NCAM2: variants seen among roughly 807,000 people sequenced by gnomAD.
NCAM2 encodes the protein neural cell adhesion molecule 2, also known as N-CAM-2.
NCAM2 carries 30 observed loss-of-function variants against 98.1 expected under a neutral mutation model. The ratio of observed to expected loss-of-function variants is 0.31; its 90% CI spans 0.23 to 0.41. The LOEUF (loss-of-function observed/expected upper bound fraction) is 0.41. Among genes scored for constraint, NCAM2 ranks in the 10% least tolerant of loss-of-function variants. The probability of loss-of-function intolerance (pLI) is 1.00; values close to 1 mark genes in which losing one functional copy is unlikely to be tolerated. For synonymous variants in NCAM2, 368 were observed against 342.4 expected (o/e 1.07, Z -0.83); for missense variants, 867 against 1,005.8 (o/e 0.86, Z 1.87).
chr21:21,175,684 A>G (rs2068263386), intron 1 of NCAM2, among the ~76,000 whole-genome samples: 1 of 152,228 alleles, frequency 6.6e-6, no homozygotes, highest in African/African-American at 2.4e-5. Context: ...GAAAATGAGA[A>G]TGAATCAGGC....
At chr21:21,364,654 A>G (rs1195977963) in intron 8 of NCAM2, among the ~76,000 whole-genome samples, 1 of 152,012 alleles carries the variant, frequency 6.6e-6, no homozygotes, top group African/African-American at 2.4e-5. Context: ...AAATATGTAC[A>G]TATACATATA....
chr21:21,232,037 C>T (rs2070648142), intron 1 of NCAM2, among the ~76,000 whole-genome samples: 1 of 151,422 alleles, frequency 6.6e-6, no homozygotes, highest in Non-Finnish European at 1.5e-5. Context: ...ACCACCCCTT[C>T]ACATTCCACC....
At chr21:21,155,957 C>G (rs879445571) in intron 1 of NCAM2, among the ~76,000 whole-genome samples, 1 of 151,890 alleles carries the variant, frequency 6.6e-6, no homozygotes, top group Non-Finnish European at 1.5e-5. Flanking sequence ...CATGTGGAAC[C>G]ACTATCATAC....
chr21:21,033,958 C>A (rs1226077461), intron 1 of NCAM2, among the ~76,000 whole-genome samples: 1 of 150,078 alleles, frequency 6.7e-6, no homozygotes, highest in Non-Finnish European at 1.5e-5. Context: ...GTCCCCCATT[C>A]GAAACTTTAT....
chr21:21,433,118 A>C (rs2077380609), intron 12 of NCAM2, among the ~76,000 whole-genome samples: 3 of 152,320 alleles, frequency 2.0e-5, no homozygotes, highest in South Asian at 2.1e-4. Flanking sequence ...TCCTGGTCTC[A>C]TCTGTGTTGA....
At chr21:21,188,075 G>C (rs925564525) in intron 1 of NCAM2, among the ~76,000 whole-genome samples, 1 of 152,116 alleles carries the variant, frequency 6.6e-6, no homozygotes, top group African/African-American at 2.4e-5. Flanking sequence ...ATTTTACCCA[G>C]CCTGGTTACA....
intron 1 of NCAM2, among the ~76,000 whole-genome samples, chr21:21,030,369 T>C (rs2064653404): frequency 6.6e-6 from 1 of 152,226 alleles, no homozygotes; most frequent in East Asian, 1.9e-4. Flanking sequence ...CAAATTACCA[T>C]GAACTTAGAG....
At chr21:21,284,128 A>G (rs1293465437) in intron 2 of NCAM2, 66 bp from the exon 3 acceptor site, 2 of 1,236,438 alleles carry the variant, frequency 1.6e-6, no homozygotes, top group African/African-American at 3.0e-5. Flanking sequence ...CATAATAGTA[A>G]ATGCCAATGT....
chr21:21,278,164 CCT>C (rs2072798873), intron 1 of NCAM2, among the ~76,000 whole-genome samples: 1 of 151,482 alleles, frequency 6.6e-6, no homozygotes, highest in African/African-American at 2.4e-5. Flanking sequence ...ATTTCCCCTC[CCT>C]TTTTTTTTCA....
At chr21:21,350,963 A>G (rs914920999) in intron 8 of NCAM2, among the ~76,000 whole-genome samples, 2 of 150,284 alleles carry the variant, frequency 1.3e-5, no homozygotes, top group Non-Finnish European at 3.0e-5. Context: ...AGAAAAGAAA[A>G]AAAATTAGCC....
rs1010926581 is a variant in NCAM2 at position 21,131,841 on chromosome 21, A to G, written c.55+133223A>G. ...GAACTTCTGTTATGGCCAAGATACT[A>G]GAAAAGATTCTGTATACAGAAAAGT... is the stretch of plus-strand genomic sequence containing the variant. On this transcript the variant is annotated intron_variant, in intron 1 of 17. Coordinates refer to ENST00000400546, the MANE Select transcript of NCAM2 (RefSeq NM_004540.5). Among the ~76,000 whole-genome samples the G allele has an allele frequency of 5.3e-5, 8 of 152,334 alleles. No individual in the cohort carries two copies. In the Middle Eastern group the frequency reaches 0.01, roughly 194 times the overall value.
chr21:21,200,850 G>A (rs923897331), intron 1 of NCAM2, among the ~76,000 whole-genome samples: 3 of 145,786 alleles, frequency 2.1e-5, no homozygotes, highest in Non-Finnish European at 4.5e-5. Context: ...GTGTGTGTTT[G>A]TGTGTGTGAG....
chr21:21,343,078 A>G (rs1029149385), intron 8 of NCAM2, among the ~76,000 whole-genome samples: 70 of 152,292 alleles, frequency 4.6e-4, no homozygotes, highest in African/African-American at 1.6e-3. Flanking sequence ...AAGTCAGAAG[A>G]AGCTTTGTTT....
At chr21:21,493,431 G>A (rs182920000) in intron 15 of NCAM2, among the ~76,000 whole-genome samples, 49 of 151,908 alleles carry the variant, frequency 3.2e-4, no homozygotes, top group Admixed American at 3.2e-3. Context: ...AAGATTGAAT[G>A]GAAACTAAAG....
chr21:21,344,570 G>T (rs112562791), intron 8 of NCAM2, among the ~76,000 whole-genome samples: 7 of 152,230 alleles, frequency 4.6e-5, no homozygotes, highest in African/African-American at 1.7e-4. Context: ...AGAGGGGGAA[G>T]AACTGAATCT....
In NCAM2 at chr21:21,508,847, T is replaced by TTTTTTAAAA; in HGVS notation, c.2078-4_2078-3insTTTTTAAAA. 1.0e-6 allele frequency: 1 copy of TTTTTTAAAA among 987,250 alleles called. No individual in the cohort carries two copies. The highest frequency in any genetic ancestry group is 1.5e-6 in the Non-Finnish European group (1 of 683,430). 61.2% of individuals were successfully genotyped at this position (987,250 alleles called of 1,614,324 possible). A position where few individuals can be genotyped will look rare whatever the true frequency, so the allele number is the denominator to read the frequency against. On this transcript the variant is annotated splice_polypyrimidine_tract_variant and splice_region_variant and intron_variant, in intron 15 of 17. Transcript: ENST00000400546. ...TTTTTTTTTTTTTTTTTTTACTTTT[T>TTTTTTAAAA]AAGACACGCTGTTTAATGGTCTTGG...
chr21:21,291,141 C>T (rs754424783), intron 4 of NCAM2, among the ~76,000 whole-genome samples: 8 of 151,764 alleles, frequency 5.3e-5, no homozygotes, highest in South Asian at 2.1e-4. Context: ...GGGATAGAGG[C>T]GGGGTGTCTC....
intron 1 of NCAM2, among the ~76,000 whole-genome samples, chr21:21,143,806 T>TG (rs1365815373): frequency 2.1e-5 from 3 of 143,494 alleles, no homozygotes; most frequent in African/African-American, 8.3e-5. Flanking sequence ...TTTAGGAAGT[T>TG]TTTTTTTTTT....
chr21:21,177,783 C>T (rs987507629), intron 1 of NCAM2, among the ~76,000 whole-genome samples: 10 of 151,510 alleles, frequency 6.6e-5, no homozygotes, highest in Admixed American at 3.3e-4. Flanking sequence ...CTGCCCTCCC[C>T]ACTCTCCTCT....
Sources: allele counts gnomAD v4.1 joint callset (sites outside exome capture counted in the v4.1 genomes callset), GRCh38; gene constraint gnomAD v4.1.1; transcripts MANE v1.5; gene names NCBI Gene and HGNC (gene_info 2026-07-23, HGNC 2026-07-21).